The following ADAMTS3 variants were observed in gnomAD, a reference collection of about 807,000 sequenced individuals.
The protein encoded by ADAMTS3 is A disintegrin and metalloproteinase with thrombospondin motifs 3.
ADAMTS3 carries 73 observed loss-of-function variants against 129.0 expected under a neutral mutation model. The ratio of observed to expected loss-of-function variants is 0.57; its 90% CI spans 0.47 to 0.69. The LOEUF (loss-of-function observed/expected upper bound fraction) is 0.69, where lower values mean the gene tolerates loss of function less well. ADAMTS3 is among the 30% of genes least tolerant of loss of function. The pLI is 0.00. For synonymous variants in ADAMTS3, 477 were observed against 510.8 expected, an observed-to-expected ratio of 0.93 and a Z score of 0.89; for missense variants, 1,457 against 1,514.5, an observed-to-expected ratio of 0.96 and a Z score of 0.63.
intron 15 of ADAMTS3, among the ~76,000 whole-genome samples, chr4:72,308,293 G>T (rs1719140981): frequency 6.6e-6 from 1 of 151,806 alleles, no homozygotes; most frequent in Non-Finnish European, 1.5e-5. Flanking sequence ...GAATAGCAAA[G>T]ACATCAGTAA....
chr4:72,396,650 T>A (rs566732272), intron 4 of ADAMTS3, among the ~76,000 whole-genome samples: 21 of 152,290 alleles, frequency 1.4e-4, no homozygotes, highest in African/African-American at 4.8e-4. Context: ...CTCTTTTCCT[T>A]CCATAAAGAT....
At position 72,318,659 on chromosome 4, in the gene ADAMTS3, A is replaced by C. The variant is rs199774619; in HGVS notation, c.1398T>G (p.Pro466=). The C allele has an allele frequency of 4.2e-5, 68 of 1,613,602 alleles. No individual in the cohort carries two copies. Among genetic ancestry groups the C allele is most frequent in the Non-Finnish European group, 1.0e-5 (12 of 1,179,612 alleles). ...TGATTCCAGGAAGTTCTGGGAGTTTAGGCCAATCATGATCAAAAGGGTCAT... is the reference window on the plus strand; with the variant it reads ...TGATTCCAGGAAGTTCTGGGAGTTTCGGCCAATCATGATCAAAAGGGTCAT... ...LLDDPFDHDW[P]KLPELPGINY... The change falls in exon 10 of 22, where the codon CCT becomes CCG. Residue 466 remains proline, a synonymous_variant. Transcript: ENST00000286657.
chr4:72,285,636 G>C (rs1454550644), intron 21 of ADAMTS3, among the ~76,000 whole-genome samples: 2 of 152,038 alleles, frequency 1.3e-5, no homozygotes, highest in African/African-American at 4.8e-5. Flanking sequence ...TTCATAACCT[G>C]GGTTTCATTA....
At chr4:72,520,348 G>T (rs1277111973) in intron 3 of ADAMTS3, among the ~76,000 whole-genome samples, 1 of 152,190 alleles carries the variant, frequency 6.6e-6, no homozygotes, top group Non-Finnish European at 1.5e-5. Context: ...TGCATGCTGG[G>T]AGAACCACTG....
intron 6 of ADAMTS3, among the ~76,000 whole-genome samples, chr4:72,321,756 A>C (rs1054001173): frequency 6.6e-6 from 1 of 152,176 alleles, no homozygotes; most frequent in South Asian, 2.1e-4. Flanking sequence ...AAATTATATT[A>C]ACTTTACACT....
At chr4:72,548,373 A>G (rs939336865) in intron 3 of ADAMTS3, 105 bp downstream of exon 3, 19 of 1,210,544 alleles carry the variant, frequency 1.6e-5, no homozygotes, top group Non-Finnish European at 2.0e-5. Flanking sequence ...AAAATGTAAC[A>G]TAACAATGAA....
chr4:72,473,367 A>T (rs956166053), intron 3 of ADAMTS3, among the ~76,000 whole-genome samples: 3 of 152,054 alleles, frequency 2.0e-5, no homozygotes, highest in Non-Finnish European at 4.4e-5. Flanking sequence ...GTGGAAAAAA[A>T]AGTTAGCAAC....
intron 3 of ADAMTS3, among the ~76,000 whole-genome samples, chr4:72,475,126 A>G (rs1719195611): frequency 6.6e-6 from 1 of 152,026 alleles, no homozygotes; most frequent in African/African-American, 2.4e-5. Flanking sequence ...AGAAAAAAAC[A>G]GAAAACAAAA....
At chr4:72,314,647 A>G (rs1719342128) in intron 11 of ADAMTS3, among the ~76,000 whole-genome samples, 1 of 152,186 alleles carries the variant, frequency 6.6e-6, no homozygotes, top group African/African-American at 2.4e-5. Flanking sequence ...TAATTATATA[A>G]TTTTTTATAA....
At chr4:72,498,076 C>T (rs1719914264) in intron 3 of ADAMTS3, among the ~76,000 whole-genome samples, 1 of 151,972 alleles carries the variant, frequency 6.6e-6, no homozygotes, top group African/African-American at 2.4e-5. Flanking sequence ...TACTTTCAGG[C>T]ATAACTAAAA....
chr4:72,324,424 C>CA (rs145399480), intron 5 of ADAMTS3, among the ~76,000 whole-genome samples: 6,141 of 151,982 alleles, frequency 0.04, 399 homozygotes, highest in African/African-American at 0.14. Context: ...GTAGAAGTCA[C>CA]AAACAAGAAA....
intron 14 of ADAMTS3, among the ~76,000 whole-genome samples, chr4:72,310,454 T>C (rs1719202463): frequency 6.6e-6 from 1 of 152,094 alleles, no homozygotes; most frequent in Non-Finnish European, 1.5e-5. Context: ...TGATGAAGTA[T>C]AAAGGAAATA....
At chr4:72,447,647 G>A (rs942473674) in intron 3 of ADAMTS3, among the ~76,000 whole-genome samples, 1 of 151,696 alleles carries the variant, frequency 6.6e-6, no homozygotes, top group African/African-American at 2.4e-5. Context: ...GATTAATAGA[G>A]AAGATCTTTC....
chr4:72,479,973 T>G (rs1344781903), intron 3 of ADAMTS3, among the ~76,000 whole-genome samples: 3 of 151,968 alleles, frequency 2.0e-5, no homozygotes, highest in Non-Finnish European at 2.9e-5. Flanking sequence ...ATCAGAGAAA[T>G]GCAAATCAAA....
intron 8 of ADAMTS3, 36 bp downstream of exon 8, chr4:72,319,822 C>A (rs2109807512): frequency 1.3e-6 from 2 of 1,503,658 alleles, no homozygotes; most frequent in East Asian, 2.3e-5. Flanking sequence ...AAGAAAAGAT[C>A]TTTTTTTGGC....
chr4:72,345,600 T>A (rs1343530170), intron 4 of ADAMTS3, among the ~76,000 whole-genome samples: 2 of 152,130 alleles, frequency 1.3e-5, no homozygotes, highest in Non-Finnish European at 2.9e-5. Context: ...AGTTATGATG[T>A]CAATTCAAAA....
intron 4 of ADAMTS3, among the ~76,000 whole-genome samples, chr4:72,396,869 C>T (rs1048693671): frequency 6.6e-6 from 1 of 152,138 alleles, no homozygotes; most frequent in Non-Finnish European, 1.5e-5. Flanking sequence ...AATGCTGTTG[C>T]GCTTTTATTT....
intron 5 of ADAMTS3, among the ~76,000 whole-genome samples, chr4:72,332,418 T>A (rs533232967): frequency 1.3e-5 from 2 of 152,282 alleles, no homozygotes; most frequent in South Asian, 4.1e-4. Flanking sequence ...ACATTTATGC[T>A]CGTTCACTGT....
At chr4:72,415,988 C>G (rs1722294504) in intron 3 of ADAMTS3, among the ~76,000 whole-genome samples, 1 of 151,470 alleles carries the variant, frequency 6.6e-6, no homozygotes, top group African/African-American at 2.4e-5. Context: ...CATATTTTTT[C>G]TCAAACCTTT....
Sources: allele counts gnomAD v4.1 joint callset (sites outside exome capture counted in the v4.1 genomes callset), GRCh38; gene constraint gnomAD v4.1.1; transcripts MANE v1.5; gene names NCBI Gene and HGNC (gene_info 2026-07-23, HGNC 2026-07-21).